Variants in KIAA1217 observed in about 807,000 individuals in gnomAD.
The protein encoded by KIAA1217 is sickle tail protein homolog.
Under a neutral mutation model 163.9 loss-of-function variants are expected in KIAA1217, and 88 were observed. The ratio of observed to expected loss-of-function variants is 0.54; its 90% CI spans 0.45 to 0.64. The LOEUF (loss-of-function observed/expected upper bound fraction) is 0.64. Among genes scored for constraint, KIAA1217 ranks in the 30% least tolerant of loss-of-function variants. KIAA1217 has a pLI of 0.00. For synonymous variants in KIAA1217, 903 were observed against 923.1 expected, an observed-to-expected ratio of 0.98 and a Z score of 0.39; for missense variants, 2,372 against 2,475.0, an observed-to-expected ratio of 0.96 and a Z score of 0.88.
intron 3 of KIAA1217, among the ~76,000 whole-genome samples, chr10:24,394,850 C>G (rs1490613552): frequency 1.3e-5 from 2 of 152,198 alleles, no homozygotes; most frequent in Admixed American, 1.3e-4. Context: ...GTCTCTGTCT[C>G]CTTACCTGCT....
chr10:24,357,254 A>G (rs976469423), intron 2 of KIAA1217, among the ~76,000 whole-genome samples: 2 of 152,206 alleles, frequency 1.3e-5, no homozygotes, highest in African/African-American at 4.8e-5. Flanking sequence ...AGTACGAATC[A>G]CCTTGCTTTG....
At chr10:23,784,166 A>T (rs1004136739) in intron 1 of KIAA1217, among the ~76,000 whole-genome samples, 1 of 152,024 alleles carries the variant, frequency 6.6e-6, no homozygotes, top group Non-Finnish European at 1.5e-5. Context: ...TAATGAATTG[A>T]CCCCTTTATC....
chr10:23,710,572 G>A (rs1254822699), intron 1 of KIAA1217, among the ~76,000 whole-genome samples: 1 of 152,164 alleles, frequency 6.6e-6, no homozygotes, highest in Non-Finnish European at 1.5e-5. Context: ...AAAGCATTTT[G>A]TTCTATGCTG....
chr10:24,334,434 AGGAT>A lies in KIAA1217; in HGVS notation c.355-46431_355-46428del, dbSNP rs1209766844. 3.6e-5 allele frequency among the ~76,000 whole-genome samples: 4 copies of A among 110,402 alleles called. No homozygotes were observed. In the South Asian group the frequency reaches 1.3e-3, roughly 36 times the overall value. 72.4% of individuals were successfully genotyped at this position (110,402 alleles called of 152,430 possible). ...GATGGAGGGGTGGAGGAGGGAGGGAAGGATGGAAGGAAGGAAGGAAGGAAGGAAG... is the reference window on the plus strand; with the variant it reads ...GATGGAGGGGTGGAGGAGGGAGGGAAGGAAGGAAGGAAGGAAGGAAGGAAG... On this transcript the variant is annotated intron_variant, in intron 2 of 20. Coordinates refer to ENST00000376454, the MANE Select transcript of KIAA1217 (RefSeq NM_019590.5).
At position 24,090,332 on chromosome 10, in the gene KIAA1217, C is replaced by CTTTTTTTTTTT. The variant is rs35966270; in HGVS notation, c.-171+82976_-171+82986dup. On this transcript the variant is annotated intron_variant, in intron 2 of 18. Transcript: ENST00000376462. ...CAGGCATGCACCCTCACATCCTGCTCTTTTTTTTTTTTTTTTTTTTTTTTT... is the reference window on the plus strand; with the variant it reads ...CAGGCATGCACCCTCACATCCTGCTCTTTTTTTTTTTTTTTTTTTTTTTTTTTTTTTTTTTT... 2.4e-4 allele frequency among the ~76,000 whole-genome samples: 14 copies of CTTTTTTTTTTT among 58,936 alleles called. 3 individuals carry two copies. Among genetic ancestry groups the CTTTTTTTTTTT allele is most frequent in the African/African-American group, 1.6e-3 (14 of 8,546 alleles). The allele number at this position is 58,936 out of a possible 152,430, so 38.7% of individuals were successfully genotyped here.
intron 2 of KIAA1217, among the ~76,000 whole-genome samples, chr10:24,324,500 G>C (rs570988548): frequency 1.3e-5 from 2 of 152,328 alleles, no homozygotes; most frequent in Middle Eastern, 3.4e-3. Context: ...CCAGGAGGCA[G>C]AGGTTGCAGT....
chr10:23,820,698 A>C (rs975850045), intron 1 of KIAA1217, among the ~76,000 whole-genome samples: 1 of 152,178 alleles, frequency 6.6e-6, no homozygotes, highest in Admixed American at 6.6e-5. Flanking sequence ...AGATGGTACA[A>C]GGTGGGGCTA....
intron 1 of KIAA1217, among the ~76,000 whole-genome samples, chr10:23,875,043 CT>C (rs1387589263): frequency 6.6e-6 from 1 of 151,958 alleles, no homozygotes; most frequent in Non-Finnish European, 1.5e-5. Flanking sequence ...GTGCCACACT[CT>C]TTTTAAAGAA....
At chr10:24,108,609 A>G (rs1158015504) in intron 2 of KIAA1217, among the ~76,000 whole-genome samples, 2 of 152,202 alleles carry the variant, frequency 1.3e-5, no homozygotes, top group Non-Finnish European at 2.9e-5. Context: ...TTATGGAATG[A>G]TAAAATTAAT....
chr10:24,306,572 C>T (rs898596533), intron 2 of KIAA1217, among the ~76,000 whole-genome samples: 1 of 152,164 alleles, frequency 6.6e-6, no homozygotes, highest in Non-Finnish European at 1.5e-5. Flanking sequence ...GAGTGACTTG[C>T]GGGCAGCTGT....
chr10:23,738,056 C>T (rs908010000), intron 1 of KIAA1217, among the ~76,000 whole-genome samples: 1 of 151,956 alleles, frequency 6.6e-6, no homozygotes, highest in Non-Finnish European at 1.5e-5. Flanking sequence ...GAATCATAAA[C>T]TTCTCCCTCC....
chr10:24,198,582 C>T (rs1202858822), intron 2 of KIAA1217, among the ~76,000 whole-genome samples: 22 of 122,624 alleles, frequency 1.8e-4, no homozygotes, highest in Admixed American at 1.3e-3. Flanking sequence ...GCTCTTATCT[C>T]GAAAAAAAAA....
At chr10:23,853,190 C>G (rs1480653736) in intron 1 of KIAA1217, among the ~76,000 whole-genome samples, 1 of 152,130 alleles carries the variant, frequency 6.6e-6, no homozygotes, top group East Asian at 1.9e-4. Flanking sequence ...TACGTCCCAT[C>G]AATACCTAAT....
At position 24,446,045 on chromosome 10, in the gene KIAA1217, G is replaced by T. The variant is rs546030142; in HGVS notation, c.846+7566G>T. 1.6e-4 allele frequency among the ~76,000 whole-genome samples: 24 copies of T among 152,294 alleles called. No homozygotes were observed. The South Asian group carries it at 5.0e-3, about 32-fold the overall frequency. On this transcript the variant is annotated intron_variant, in intron 5 of 20. Coordinates refer to ENST00000376454, the MANE Select transcript of KIAA1217 (RefSeq NM_019590.5). ...CTCCACATCCTCTCCAGCACCTGTTGTTTCCTGACTTTTTAATGATCGCCA... is the reference window on the plus strand; with the variant it reads ...CTCCACATCCTCTCCAGCACCTGTTTTTTCCTGACTTTTTAATGATCGCCA...
In KIAA1217 at chr10:24,495,139, T is replaced by C; in HGVS notation, c.1785-8T>C. 1 of 1,611,416 alleles carries C rather than the reference T, an allele frequency of 6.2e-7. No homozygotes were observed. Among genetic ancestry groups the C allele is most frequent in the Non-Finnish European group, 8.5e-7 (1 of 1,179,156 alleles). On this transcript the variant is annotated splice_region_variant and splice_polypyrimidine_tract_variant and intron_variant, in intron 7 of 20. Transcript: ENST00000376454. ...CTGCATAGCTGACTCTCTTTTTCTTTTATTCAGCGAGAAAATGATGAAAAC... is the reference window on the plus strand; with the variant it reads ...CTGCATAGCTGACTCTCTTTTTCTTCTATTCAGCGAGAAAATGATGAAAAC...
chr10:24,017,752 C>T (rs1847549769), intron 2 of KIAA1217, among the ~76,000 whole-genome samples: 1 of 152,098 alleles, frequency 6.6e-6, no homozygotes, highest in Non-Finnish European at 1.5e-5. Context: ...CAGCCACTTA[C>T]CCTGGGGAGT....
At chr10:24,122,187 T>C (rs1292763604) in intron 2 of KIAA1217, among the ~76,000 whole-genome samples, 2 of 151,794 alleles carry the variant, frequency 1.3e-5, no homozygotes, top group Non-Finnish European at 1.5e-5. Flanking sequence ...CTCTTTTTCC[T>C]GTCTTTATGT....
chr10:23,721,388 G>A (rs926257342), intron 1 of KIAA1217, among the ~76,000 whole-genome samples: 3 of 152,154 alleles, frequency 2.0e-5, no homozygotes, highest in Non-Finnish European at 4.4e-5. Context: ...TGGACCCCAC[G>A]CATTGCACAG....
chr10:23,752,258 T>G (rs1332856974), intron 1 of KIAA1217, among the ~76,000 whole-genome samples: 2 of 152,332 alleles, frequency 1.3e-5, no homozygotes, highest in East Asian at 1.9e-4. Flanking sequence ...GGGAGGGGGA[T>G]TTAATGAATT....
Sources: allele counts gnomAD v4.1 joint callset (sites outside exome capture counted in the v4.1 genomes callset), GRCh38; gene constraint gnomAD v4.1.1; transcripts MANE v1.5; gene names NCBI Gene and HGNC (gene_info 2026-07-23, HGNC 2026-07-21).